The following CD226 variants were observed in gnomAD, a reference collection of about 807,000 sequenced individuals.
The protein encoded by CD226 is CD226 molecule.
In CD226, 24 loss-of-function variants were observed where a neutral mutation model predicts 34.9. That is an observed-to-expected ratio of 0.69 (90% CI 0.50 to 0.97). The LOEUF (loss-of-function observed/expected upper bound fraction) is 0.97. Among genes scored for constraint, CD226 ranks in the 50% least tolerant of loss-of-function variants. The probability of loss-of-function intolerance (pLI) is 0.00; values close to 1 mark genes in which losing one functional copy is unlikely to be tolerated. For missense variants in CD226, 397 were observed against 412.7 expected (o/e 0.96, Z 0.33); for synonymous variants, 148 against 147.4 (o/e 1.00, Z -0.03).
At chr18:69,869,469 C>T (rs1249461568) in intron 4 of CD226, among the ~76,000 whole-genome samples, 1 of 152,116 alleles carries the variant, frequency 6.6e-6, no homozygotes, top group Non-Finnish European at 1.5e-5. Context: ...CACATGGACA[C>T]ATAGACGGGA....
At chr18:69,953,994 C>T (rs183629977) in intron 1 of CD226, among the ~76,000 whole-genome samples, 2 of 145,772 alleles carry the variant, frequency 1.4e-5, no homozygotes, top group Admixed American at 6.8e-5. Context: ...AGCAAGACTC[C>T]GTTTCAAAAA....
intron 2 of CD226, among the ~76,000 whole-genome samples, chr18:69,933,783 T>A (rs1649023780): frequency 6.6e-6 from 1 of 152,200 alleles, no homozygotes; most frequent in African/African-American, 2.4e-5. Context: ...CTATTTTCAC[T>A]GAAAACAGAA....
chr18:69,916,697 T>C (rs569328957), intron 2 of CD226, among the ~76,000 whole-genome samples: 1 of 152,342 alleles, frequency 6.6e-6, no homozygotes, highest in Admixed American at 6.5e-5. Context: ...ATCAACCTAC[T>C]AGGGGCATGA....
At chr18:69,890,972 A>G (rs888572138) in intron 3 of CD226, among the ~76,000 whole-genome samples, 1 of 150,746 alleles carries the variant, frequency 6.6e-6, no homozygotes, top group Non-Finnish European at 1.5e-5. Context: ...AACTCAGTTT[A>G]TGAGACCAGC....
intron 2 of CD226, among the ~76,000 whole-genome samples, chr18:69,946,079 G>A (rs1021405504): frequency 1.3e-5 from 2 of 149,718 alleles, no homozygotes; most frequent in South Asian, 2.1e-4. Flanking sequence ...AGCTACTTGC[G>A]GGGCTGAGGT....
chr18:69,936,534 T>C (rs1373035074), intron 2 of CD226, among the ~76,000 whole-genome samples: 1 of 152,222 alleles, frequency 6.6e-6, no homozygotes, highest in East Asian at 1.9e-4. Flanking sequence ...AAAATGTTTC[T>C]GCTTCATCCC....
intron 2 of CD226, among the ~76,000 whole-genome samples, chr18:69,934,062 C>A (rs2055620908): frequency 6.6e-6 from 1 of 152,060 alleles, no homozygotes; most frequent in African/African-American, 2.4e-5. Flanking sequence ...TACAAAGGAT[C>A]TCTTTTGGAG....
At chr18:69,883,246 AT>A in intron 3 of CD226, among the ~76,000 whole-genome samples, 1 of 152,288 alleles carries the variant, frequency 6.6e-6, no homozygotes, top group South Asian at 2.1e-4. Flanking sequence ...AACAGAAGTT[AT>A]TTTTTAACTT....
At chr18:69,929,788 T>A (rs1007426936) in intron 2 of CD226, among the ~76,000 whole-genome samples, 3 of 152,208 alleles carry the variant, frequency 2.0e-5, no homozygotes, top group African/African-American at 7.2e-5. Flanking sequence ...CACCATCTAC[T>A]CAGGATCCCA....
intron 3 of CD226, among the ~76,000 whole-genome samples, chr18:69,877,384 C>T (rs1193296969): frequency 6.6e-6 from 1 of 152,216 alleles, no homozygotes; most frequent in Non-Finnish European, 1.5e-5. Context: ...CCACATCACC[C>T]TCCAGGAGGC....
intron 2 of CD226, among the ~76,000 whole-genome samples, 176 bp downstream of exon 2, chr18:69,946,558 A>G (rs939597117): frequency 1.3e-5 from 2 of 152,216 alleles, no homozygotes; most frequent in East Asian, 1.9e-4. Context: ...CAGAAAAATG[A>G]AACAGACTCC....
chr18:69,958,402 TG>T (rs1868389355), upstream of CD226, among the ~76,000 whole-genome samples: 1 of 152,188 alleles, frequency 6.6e-6, no homozygotes. Context: ...CTGCCATCGT[TG>T]GGGCTGCTTT....
At position 69,860,922 on chromosome 18, in the gene CD226, C is replaced by G. The variant is rs1982780674; in HGVS notation, c.*3392G>C. The G allele has an allele frequency of 6.6e-6, 1 of 151,962 alleles. No individual in the cohort carries two copies. The highest frequency in any genetic ancestry group is 1.5e-5 in the Non-Finnish European group (1 of 67,930). 9.4% of individuals were successfully genotyped at this position (151,962 alleles called of 1,614,324 possible). ...TTGCTGAAATTTCATATAAGCAGTA[C>G]AAAATACAGTACATCATTATAAATC... On this transcript the variant is annotated 3_prime_UTR_variant, in exon 6 of 6. Transcript: ENST00000582621.
At chr18:69,911,070 A>C (rs1324352491) in intron 2 of CD226, among the ~76,000 whole-genome samples, 1 of 152,234 alleles carries the variant, frequency 6.6e-6, no homozygotes, top group East Asian at 1.9e-4. Flanking sequence ...TTAGCTCAAC[A>C]TACTGGTGCA....
At position 69,868,073 on chromosome 18, in the gene CD226, G is replaced by A. The variant is rs73462770; in HGVS notation, c.831-662C>T. Among the ~76,000 whole-genome samples the A allele has an allele frequency of 3.2e-3, 487 of 152,150 alleles. 3 individuals are homozygous for A. Among genetic ancestry groups the A allele is most frequent in the African/African-American group, 0.011 (475 of 41,510 alleles). Reference sequence around the variant, plus strand: ...ACTGAAAGGACCATCTGCAACCACAGTATTCAATAAACGCTCCACAGTTCC... The same window carrying A: ...ACTGAAAGGACCATCTGCAACCACAATATTCAATAAACGCTCCACAGTTCC... On this transcript the variant is annotated intron_variant, in intron 4 of 5. Coordinates refer to ENST00000582621, the MANE Select transcript of CD226 (RefSeq NM_001303618.2).
At chr18:69,874,466 G>A (rs77184251) in intron 3 of CD226, among the ~76,000 whole-genome samples, 398 of 152,218 alleles carry the variant, frequency 2.6e-3, no homozygotes, top group Non-Finnish European at 4.5e-3. Flanking sequence ...GTCTCTCTTC[G>A]GGAAAGCGAA....
chr18:69,886,233 C>T (rs748457869), intron 3 of CD226, among the ~76,000 whole-genome samples: 1 of 152,168 alleles, frequency 6.6e-6, no homozygotes, highest in Non-Finnish European at 1.5e-5. Context: ...AGACGTCAAA[C>T]GTGGGCAGTC....
Position 69,864,293 on chromosome 18 carries a change from G to C in CD226, c.*21C>G. 6.2e-7 allele frequency: 1 copy of C among 1,612,478 alleles called. No homozygotes were observed. The highest frequency in any genetic ancestry group is 8.5e-7 in the Non-Finnish European group (1 of 1,178,774). ...TGAGTACATAAGAGTCATTACTAATGCACTCATGTCAAGAATAAGCTTAAA... is the reference window on the plus strand; with the variant it reads ...TGAGTACATAAGAGTCATTACTAATCCACTCATGTCAAGAATAAGCTTAAA... On this transcript the variant is annotated 3_prime_UTR_variant, in exon 6 of 6. Coordinates refer to ENST00000582621, the MANE Select transcript of CD226 (RefSeq NM_001303618.2).
At chr18:69,908,308 A>G (rs1218506950) in intron 2 of CD226, among the ~76,000 whole-genome samples, 1 of 152,194 alleles carries the variant, frequency 6.6e-6, no homozygotes. Flanking sequence ...TTACTCCACC[A>G]TGTTTCAAAA....
Sources: allele counts gnomAD v4.1 joint callset (sites outside exome capture counted in the v4.1 genomes callset), GRCh38; gene constraint gnomAD v4.1.1; transcripts MANE v1.5; gene names NCBI Gene and HGNC (gene_info 2026-07-23, HGNC 2026-07-21).